FRMD3: variants seen among roughly 807,000 people sequenced by gnomAD.
FRMD3 encodes the protein FERM domain-containing protein 3.
A neutral mutation model predicts 70.2 loss-of-function variants in FRMD3; 33 were observed. That is an observed-to-expected ratio of 0.47 (90% CI 0.36 to 0.63). The LOEUF (loss-of-function observed/expected upper bound fraction) is 0.63, where lower values mean the gene tolerates loss of function less well. Among genes scored for constraint, FRMD3 ranks in the 20% least tolerant of loss-of-function variants. The pLI, the probability that FRMD3 is intolerant of heterozygous loss-of-function variation, is 0.00. For synonymous variants in FRMD3, 279 were observed against 255.9 expected (o/e 1.09, Z -0.86); for missense variants, 632 against 711.4 (o/e 0.89, Z 1.27).
chr9:83,311,820 C>T, intron 8 of FRMD3, 67 bp downstream of exon 8: 1 of 1,115,042 alleles, frequency 9.0e-7, no homozygotes, highest in South Asian at 1.3e-5. Flanking sequence ...GCCCGAGAAG[C>T]CAAGGAGGGG....
intron 5 of FRMD3, among the ~76,000 whole-genome samples, chr9:83,342,708 ATAGATAGATAGATAGATAGATAGATAGT>A (rs1263302527): frequency 6.9e-6 from 1 of 145,380 alleles, no homozygotes; most frequent in East Asian, 2.0e-4. Flanking sequence ...AGATAGATAG[ATAGATAGATAGATAGATAGATAGATAGT>A]TAGATAGACA....
intron 6 of FRMD3, among the ~76,000 whole-genome samples, chr9:83,322,326 G>A (rs1835832450): frequency 6.6e-6 from 1 of 152,066 alleles, no homozygotes; most frequent in African/African-American, 2.4e-5. Context: ...TCAAAATGAT[G>A]CCTTGGGCCT....
At chr9:83,395,174 A>G (rs1227176905) in intron 1 of FRMD3, among the ~76,000 whole-genome samples, 1 of 152,000 alleles carries the variant, frequency 6.6e-6, no homozygotes, top group Non-Finnish European at 1.5e-5. Flanking sequence ...TATTAAGAAT[A>G]ATCTTAATCT....
the FRMD3 span, among the ~76,000 whole-genome samples, chr9:83,558,264 G>GTA: frequency 6.6e-6 from 1 of 150,710 alleles, no homozygotes; most frequent in Non-Finnish European, 1.5e-5. Context: ...GCATGCACGT[G>GTA]TGTGTGTGTG....
chr9:83,447,829 A>C (rs1258426618), intron 1 of FRMD3, among the ~76,000 whole-genome samples: 1 of 152,226 alleles, frequency 6.6e-6, no homozygotes, highest in African/African-American at 2.4e-5. Context: ...GTCACCTCAA[A>C]TAAAATATTT....
At position 83,245,696 on chromosome 9, in the gene FRMD3, G is replaced by A; in HGVS notation, c.*2222C>T. On this transcript the variant is annotated 3_prime_UTR_variant, in exon 14 of 14. Transcript: ENST00000304195. The stretch of plus-strand genomic sequence containing the variant: ...TATTATTTTGAAAGACTGAGGGCCA[G>A]ATGATTTGTCATAGTCAGAACTTTA... The A allele has an allele frequency of 1.0e-6, 1 of 974,416 alleles. No homozygotes were observed. The highest frequency in any genetic ancestry group is 1.2e-6 in the Non-Finnish European group (1 of 820,032). 60.4% of individuals were successfully genotyped at this position (974,416 alleles called of 1,614,324 possible). A position where few individuals can be genotyped will look rare whatever the true frequency, so the allele number is the denominator to read the frequency against.
At chr9:83,397,289 C>T (rs1825834811) in intron 1 of FRMD3, among the ~76,000 whole-genome samples, 1 of 152,172 alleles carries the variant, frequency 6.6e-6, no homozygotes, top group Non-Finnish European at 1.5e-5. Flanking sequence ...TCCCTCAATT[C>T]CCTGATCACT....
chr9:83,313,773 G>A, intron 6 of FRMD3, 26 bp from the exon 7 acceptor site: 1 of 1,569,760 alleles, frequency 6.4e-7, no homozygotes, highest in Non-Finnish European at 8.8e-7. Context: ...AAAAGTTGAG[G>A]CAGTTAAAAT....
rs781680772 is a variant in FRMD3, at chr9:83,494,858, T to TGTGTGTGC, written c.147+43226_147+43227insGCACACAC. 3.5e-3 allele frequency among the ~76,000 whole-genome samples: 521 copies of TGTGTGTGC among 148,828 alleles called. 2 individuals are homozygous for TGTGTGTGC. Among genetic ancestry groups the TGTGTGTGC allele is most frequent in the African/African-American group, 0.012 (474 of 40,776 alleles). ...ATGTGTGTGTGTGTGTGTGTGTGTG[T>TGTGTGTGC]GCGCGCGCGCATGTGCGTGTGTATA... is the stretch of plus-strand genomic sequence containing the variant. On this transcript the variant is annotated intron_variant, in intron 1 of 13. Coordinates refer to ENST00000304195, the MANE Select transcript of FRMD3 (RefSeq NM_174938.6).
intron 9 of FRMD3, 72 bp downstream of exon 9, chr9:83,310,413 A>G: frequency 1.7e-6 from 2 of 1,165,108 alleles, no homozygotes; most frequent in South Asian, 2.6e-5. Flanking sequence ...ACAATACTAA[A>G]GGCATATTTT....
chr9:83,573,386 A>G, the FRMD3 span, among the ~76,000 whole-genome samples: 5 of 152,186 alleles, frequency 3.3e-5, no homozygotes, highest in African/African-American at 1.2e-4. Context: ...ATTTTACCAT[A>G]AATGTGGCAA....
At chr9:83,264,467 T>A (rs559452603) in intron 13 of FRMD3, among the ~76,000 whole-genome samples, 1 of 152,276 alleles carries the variant, frequency 6.6e-6, no homozygotes, top group South Asian at 2.1e-4. Context: ...CTTTGAATAG[T>A]CATGATGTCT....
chr9:83,460,478 T>C (rs1827938157), intron 1 of FRMD3, among the ~76,000 whole-genome samples: 1 of 152,202 alleles, frequency 6.6e-6, no homozygotes, highest in South Asian at 2.1e-4. Context: ...CAGATCCTAG[T>C]GCAAATGCCC....
intron 12 of FRMD3, among the ~76,000 whole-genome samples, chr9:83,294,202 G>A (rs570240629): frequency 2.0e-5 from 3 of 152,294 alleles, no homozygotes; most frequent in South Asian, 4.1e-4. Flanking sequence ...TCCCCCTTCT[G>A]CCATGTGAGG....
rs185835143 is a variant in FRMD3 at position 83,487,062 on chromosome 9, T to C, written c.147+51023A>G. On this transcript the variant is annotated intron_variant, in intron 1 of 13. Coordinates refer to ENST00000304195, the MANE Select transcript of FRMD3 (RefSeq NM_174938.6). ...CTTGTAATACTGCTTGTATGGCAAA[T>C]AGCATTATTTCCCATGTAACCCCTG... Among the ~76,000 whole-genome samples, 4 of 152,338 alleles carry C rather than the reference T, an allele frequency of 2.6e-5. No individual in the cohort carries two copies. The East Asian group carries it at 7.7e-4, about 29-fold the overall frequency.
chr9:83,351,500 T>C (rs1349820905), intron 3 of FRMD3, among the ~76,000 whole-genome samples: 1 of 152,102 alleles, frequency 6.6e-6, no homozygotes, highest in Non-Finnish European at 1.5e-5. Flanking sequence ...AGAAAATAGA[T>C]ACCTTCTACA....
intron 13 of FRMD3, among the ~76,000 whole-genome samples, chr9:83,281,996 T>C (rs1833990915): frequency 6.6e-6 from 1 of 152,198 alleles, no homozygotes; most frequent in Admixed American, 6.5e-5. Flanking sequence ...AATTGAAAAA[T>C]AGATGTAGTT....
intron 2 of FRMD3, among the ~76,000 whole-genome samples, chr9:83,381,837 A>G (rs1014038921): frequency 1.3e-5 from 2 of 152,198 alleles, no homozygotes; most frequent in African/African-American, 4.8e-5. Context: ...TTTGTGATCT[A>G]CATGGATCTC....
intron 1 of FRMD3, among the ~76,000 whole-genome samples, chr9:83,499,149 C>A (rs772170411): frequency 6.6e-6 from 1 of 152,136 alleles, no homozygotes; most frequent in Admixed American, 6.5e-5. Context: ...GAGAATGGCA[C>A]GGGAGTGTCT....
Sources: gnomAD v4.1 joint callset for allele counts (sites outside exome capture counted in the v4.1 genomes callset) on GRCh38, gnomAD v4.1.1 for gene constraint, MANE v1.5 for transcripts, NCBI Gene and HGNC (gene_info 2026-07-23, HGNC 2026-07-21) for gene names.